ANKRD26: variants seen among roughly 807,000 people sequenced by gnomAD.
ANKRD26 encodes the protein ankyrin repeat domain-containing protein 26.
In ANKRD26, 141 loss-of-function variants were observed where a neutral mutation model predicts 208.7. The ratio of observed to expected loss-of-function variants is 0.68; its 90% CI spans 0.59 to 0.78. The LOEUF is 0.78. ANKRD26 is among the 30% of genes least tolerant of loss of function. The pLI is 0.00. For missense variants in ANKRD26, 1,889 were observed against 1,938.7 expected (o/e 0.97, Z 0.48); for synonymous variants, 636 against 660.4 (o/e 0.96, Z 0.57).
intron 27 of ANKRD26, 34 bp downstream of exon 27, chr10:27,028,818 T>C: frequency 6.5e-7 from 1 of 1,544,782 alleles, no homozygotes. Context: ...TAAAATTCCT[T>C]TTCAGTACGA....
In ANKRD26 at chr10:27,092,404, A is replaced by G. The variant is rs1174450559; in HGVS notation, c.638+2T>C. 1 of 1,599,308 alleles carries G rather than the reference A, an allele frequency of 6.3e-7. No individual in the cohort carries two copies. The highest frequency in any genetic ancestry group is 1.7e-5 in the Admixed American group (1 of 59,820). On this transcript the variant is annotated splice_donor_variant, in intron 4 of 33. Transcript: ENST00000376087. LOFTEE classifies it high-confidence loss of function. Reference sequence around the variant, plus strand: ...AATCCAAAACAAAACCAGCTACTGTACCTTTCCAACTTATCTACTGCATTT... The same window carrying G: ...AATCCAAAACAAAACCAGCTACTGTGCCTTTCCAACTTATCTACTGCATTT...
Position 27,046,615 on chromosome 10 carries a change from A to T in ANKRD26, c.1815-92T>A, listed in dbSNP as rs531286085. 158 of 1,291,542 alleles carry T rather than the reference A, an allele frequency of 1.2e-4. No individual in the cohort carries two copies. In the African/African-American group the frequency reaches 2.1e-3, roughly 17 times the overall value. The allele number at this position is 1,291,542 out of a possible 1,614,324, so 80.0% of individuals were successfully genotyped here. A position where few individuals can be genotyped will look rare whatever the true frequency, so the allele number is the denominator to read the frequency against. ...AGAGAGTTAAGGAAAAGAAAGAATAAAAAATCCATTAAAAAGCCAATGTTT... is the reference window on the plus strand; with the variant it reads ...AGAGAGTTAAGGAAAAGAAAGAATATAAAATCCATTAAAAAGCCAATGTTT... On this transcript the variant is annotated intron_variant, in intron 17 of 33. Coordinates refer to ENST00000376087, the MANE Select transcript of ANKRD26 (RefSeq NM_014915.3).
chr10:26,987,366 C>A (rs908935442), downstream of ANKRD26, among the ~76,000 whole-genome samples: 1 of 152,148 alleles, frequency 6.6e-6, no homozygotes, highest in Non-Finnish European at 1.5e-5. Context: ...ACCAACATGG[C>A]ACATGTATAC....
chr10:27,002,122 G>A (rs2052738772), downstream of ANKRD26, among the ~76,000 whole-genome samples: 1 of 152,120 alleles, frequency 6.6e-6, no homozygotes, highest in Admixed American at 6.5e-5. Flanking sequence ...AGGGTGGCCT[G>A]GCACAGGGTG....
At chr10:26,987,136 T>C (rs1250305195), downstream of ANKRD26, among the ~76,000 whole-genome samples, 4 of 152,162 alleles carry the variant, frequency 2.6e-5, no homozygotes, top group Non-Finnish European at 5.9e-5. Context: ...TGTAGGGACA[T>C]GGATGAAGCT....
the ANKRD26 span, among the ~76,000 whole-genome samples, chr10:26,959,845 T>C: frequency 6.6e-6 from 1 of 152,274 alleles, no homozygotes; most frequent in East Asian, 1.9e-4. Context: ...AGTCCTATGC[T>C]TCCAATTTAA....
chr10:27,065,391 G>A (rs766729646), intron 11 of ANKRD26, among the ~76,000 whole-genome samples: 8 of 152,072 alleles, frequency 5.3e-5, no homozygotes, highest in Non-Finnish European at 1.0e-4. Context: ...ATCTCATTGG[G>A]AAGGTCTCAA....
intron 15 of ANKRD26, among the ~76,000 whole-genome samples, chr10:27,056,932 C>T (rs2054858998): frequency 6.6e-6 from 1 of 152,142 alleles, no homozygotes; most frequent in South Asian, 2.1e-4. Flanking sequence ...GTATTATTCT[C>T]TAATAGAAAC....
At chr10:26,956,006 T>C in the ANKRD26 span, among the ~76,000 whole-genome samples, 1 of 152,184 alleles carries the variant, frequency 6.6e-6, no homozygotes, top group Non-Finnish European at 1.5e-5. Flanking sequence ...ATATTATTAG[T>C]CTAATTATAA....
chr10:26,967,284 C>T, the ANKRD26 span, among the ~76,000 whole-genome samples: 1 of 152,134 alleles, frequency 6.6e-6, no homozygotes, highest in Non-Finnish European at 1.5e-5. Flanking sequence ...ATCTTAGAAC[C>T]CATGTAAATT....
intron 16 of ANKRD26, among the ~76,000 whole-genome samples, chr10:27,049,949 G>A (rs1310634504): frequency 1.3e-5 from 2 of 152,022 alleles, no homozygotes; most frequent in Non-Finnish European, 2.9e-5. Context: ...TTGGCCGGGC[G>A]CAGTGGCTCA....
intron 11 of ANKRD26, 110 bp downstream of exon 11, chr10:27,066,377 T>C (rs1025783202): frequency 8.7e-6 from 6 of 688,524 alleles, no homozygotes. Flanking sequence ...AGAAAGTAGT[T>C]CCTTATGGAT....
downstream of ANKRD26, among the ~76,000 whole-genome samples, chr10:26,971,405 T>C (rs2052140505): frequency 6.6e-6 from 1 of 151,702 alleles, no homozygotes; most frequent in South Asian, 2.1e-4. Flanking sequence ...CCAGGCGTGG[T>C]GGCTCATGCC....
intron 16 of ANKRD26, among the ~76,000 whole-genome samples, chr10:27,049,430 A>G (rs923882534): frequency 3.9e-5 from 6 of 152,192 alleles, no homozygotes; most frequent in African/African-American, 1.4e-4. Context: ...CCCTTTCTGC[A>G]CTAAGATATT....
chr10:27,029,565 G>T (rs2053796380), intron 25 of ANKRD26, among the ~76,000 whole-genome samples: 1 of 151,962 alleles, frequency 6.6e-6, no homozygotes, highest in Non-Finnish European at 1.5e-5. Flanking sequence ...AATACTATCT[G>T]GCCCTTTACA....
intron 1 of ANKRD26, among the ~76,000 whole-genome samples, chr10:27,098,168 G>C (rs984110375): frequency 6.6e-6 from 1 of 151,284 alleles, no homozygotes; most frequent in Non-Finnish European, 1.5e-5. Flanking sequence ...CAAGAACAAA[G>C]ATCTGCTTTA....
intron 12 of ANKRD26, among the ~76,000 whole-genome samples, chr10:27,062,773 T>TC (rs201306756): frequency 1.4e-4 from 21 of 150,538 alleles, no homozygotes; most frequent in Admixed American, 2.0e-4. Flanking sequence ...TTTCTTTCTT[T>TC]TTTTTTTTTT....
chr10:27,100,348 G>C lies in ANKRD26; in HGVS notation c.-22C>G. ...TCATGGCCCAGGCGACCGGGCTTCA[G>C]AGACACCTCATGTCTCTCTCGGCTC... On this transcript the variant is annotated 5_prime_UTR_variant, in exon 1 of 34. Transcript: ENST00000376087. The C allele has an allele frequency of 3.1e-6, 5 of 1,604,492 alleles. No individual in the cohort carries two copies. Among genetic ancestry groups the C allele is most frequent in the Non-Finnish European group, 4.2e-6 (5 of 1,179,768 alleles).
intron 4 of ANKRD26, among the ~76,000 whole-genome samples, chr10:26,997,558 G>A (rs560459685): frequency 6.6e-6 from 1 of 152,256 alleles, no homozygotes; most frequent in East Asian, 1.9e-4. Flanking sequence ...GTCCTCTGAG[G>A]CGGTTTAACA....
Sources: allele counts gnomAD v4.1 joint callset (sites outside exome capture counted in the v4.1 genomes callset), GRCh38; gene constraint gnomAD v4.1.1; transcripts MANE v1.5; gene names NCBI Gene and HGNC (gene_info 2026-07-23, HGNC 2026-07-21).